The following VPS13B variants were observed in gnomAD, a reference collection of about 807,000 sequenced individuals.
VPS13B encodes intermembrane lipid transfer protein VPS13B.
A neutral mutation model predicts 426.4 loss-of-function variants in VPS13B; 285 were observed. The ratio of observed to expected loss-of-function variants is 0.67; its 90% CI spans 0.61 to 0.74. The LOEUF is 0.74. Ranked by LOEUF, VPS13B falls within the 30% of genes least tolerant of loss-of-function variation. The pLI, the probability that VPS13B is intolerant of heterozygous loss-of-function variation, is 0.00. For synonymous variants in VPS13B, 1,676 were observed against 1,676.4 expected (o/e 1.00, Z 0.01); for missense variants, 4,537 against 4,782.6 (o/e 0.95, Z 1.51).
chr8:99,271,677 C>T (rs943757070), intron 17 of VPS13B, among the ~76,000 whole-genome samples: 2 of 152,156 alleles, frequency 1.3e-5, no homozygotes, highest in Admixed American at 6.5e-5. Flanking sequence ...AGGAAACTTA[C>T]AATTATGGCA....
chr8:99,547,348 A>G (rs1187341198), intron 30 of VPS13B, among the ~76,000 whole-genome samples: 2 of 152,068 alleles, frequency 1.3e-5, no homozygotes, highest in Admixed American at 6.6e-5. Context: ...TTTACTCTCA[A>G]AATTACTGTC....
intron 8 of VPS13B, among the ~76,000 whole-genome samples, chr8:99,130,717 A>G (rs767413058): frequency 4.6e-5 from 7 of 152,114 alleles, no homozygotes; most frequent in African/African-American, 1.4e-4. Flanking sequence ...CTTTTTCTCT[A>G]TAATAATTGT....
At chr8:99,689,138 G>A (rs981024754) in intron 35 of VPS13B, among the ~76,000 whole-genome samples, 1 of 151,754 alleles carries the variant, frequency 6.6e-6, no homozygotes, top group Admixed American at 6.6e-5. Context: ...TTGGTGGGGC[G>A]GTTTCATCTT....
rs539321673 is a variant in VPS13B, at chr8:99,170,621, A to G, written c.2333+458A>G. Among the ~76,000 whole-genome samples, 7 of 152,044 alleles carry G rather than the reference A, an allele frequency of 4.6e-5. No individual in the cohort carries two copies. In the South Asian group the frequency reaches 1.2e-3, roughly 27 times the overall value. On this transcript the variant is annotated intron_variant, in intron 16 of 61. Coordinates refer to ENST00000357162, the MANE Select transcript of VPS13B (RefSeq NM_152564.5). ...ATGTATTTACATGTCTAGTAGCTAT[A>G]TTTTATAAGAAATTGATTGTAGCCC...
intron 5 of VPS13B, among the ~76,000 whole-genome samples, chr8:99,110,547 T>C (rs952327544): frequency 1.3e-5 from 2 of 152,096 alleles, no homozygotes; most frequent in East Asian, 3.8e-4. Flanking sequence ...CATGTGGCTG[T>C]TGAGCACTTG....
intron 61 of VPS13B, among the ~76,000 whole-genome samples, chr8:99,873,920 C>T (rs1817563858): frequency 6.6e-6 from 1 of 152,202 alleles, no homozygotes; most frequent in Admixed American, 6.5e-5. Context: ...ATTTTAAGAT[C>T]TATAAATGAC....
intron 52 of VPS13B, among the ~76,000 whole-genome samples, chr8:99,834,920 T>G (rs1815303694): frequency 6.6e-6 from 1 of 152,142 alleles, no homozygotes; most frequent in Admixed American, 6.5e-5. Context: ...AACACACATA[T>G]GCATGGGGGA....
chr8:99,083,936 T>C (rs1845625661), intron 3 of VPS13B, among the ~76,000 whole-genome samples: 1 of 151,302 alleles, frequency 6.6e-6, no homozygotes, highest in African/African-American at 2.4e-5. Context: ...ATTGTGTCTC[T>C]GCCAGACTTT....
At chr8:99,495,815 G>A (rs1820852789) in intron 25 of VPS13B, among the ~76,000 whole-genome samples, 1 of 151,904 alleles carries the variant, frequency 6.6e-6, no homozygotes, top group African/African-American at 2.4e-5. Flanking sequence ...GTTGTTTTTT[G>A]AATTTCTTAA....
chr8:99,697,589 T>A, intron 35 of VPS13B: 1 of 665,904 alleles, frequency 1.5e-6, no homozygotes. Flanking sequence ...GAAGGAACTC[T>A]CAAAGACTGG....
At chr8:99,054,252 A>T (rs1205084250) in intron 3 of VPS13B, among the ~76,000 whole-genome samples, 1 of 152,154 alleles carries the variant, frequency 6.6e-6, no homozygotes, top group Non-Finnish European at 1.5e-5. Flanking sequence ...GAATTTCCAT[A>T]CTGTTTTCTA....
chr8:99,446,236 C>CT (rs1180975058), intron 23 of VPS13B, among the ~76,000 whole-genome samples: 4 of 150,982 alleles, frequency 2.6e-5, no homozygotes, highest in Non-Finnish European at 4.4e-5. Flanking sequence ...GTTTCTTTGC[C>CT]TTTTTTTTTG....
At chr8:99,321,023 A>G (rs969965591) in intron 19 of VPS13B, among the ~76,000 whole-genome samples, 1 of 152,176 alleles carries the variant, frequency 6.6e-6, no homozygotes, top group Non-Finnish European at 1.5e-5. Flanking sequence ...CTTTTTAAAT[A>G]TTCAGTCACT....
chr8:99,768,725 A>T (rs2130630844), intron 40 of VPS13B, among the ~76,000 whole-genome samples: 1 of 152,300 alleles, frequency 6.6e-6, no homozygotes, highest in East Asian at 1.9e-4. Flanking sequence ...GAATTAGTGA[A>T]AATATATTAG....
At chr8:99,479,951 A>G (rs573196347) in intron 24 of VPS13B, among the ~76,000 whole-genome samples, 3 of 152,304 alleles carry the variant, frequency 2.0e-5, no homozygotes, top group Admixed American at 6.5e-5. Flanking sequence ...CGGTAGGTAT[A>G]TGCTCTTTTT....
intron 22 of VPS13B, among the ~76,000 whole-genome samples, chr8:99,436,500 C>T (rs1315245462): frequency 1.3e-5 from 2 of 151,962 alleles, no homozygotes; most frequent in East Asian, 1.9e-4. Flanking sequence ...TTTGAGTAAG[C>T]TTATTGAGTA....
intron 23 of VPS13B, among the ~76,000 whole-genome samples, chr8:99,448,130 T>TTTATTTAG (rs1429492776): frequency 8.2e-6 from 1 of 121,624 alleles, no homozygotes; most frequent in Non-Finnish European, 1.7e-5. Context: ...TTTTTATTTA[T>TTTATTTAG]TTATTTATTT....
At chr8:99,840,448 T>C (rs186241493) in intron 54 of VPS13B, among the ~76,000 whole-genome samples, 1 of 152,326 alleles carries the variant, frequency 6.6e-6, no homozygotes, top group East Asian at 1.9e-4. Context: ...CTGGTAGCTT[T>C]ATGTCATCCA....
rs758028194 is a variant in VPS13B, at chr8:99,859,374, C to G, written c.10938C>G (p.Val3646=). ...TGGTGAGAAGCATCGGGAACGGGGT[C>G]GCCGACTTCTTCAGGCTTCCGTATG... ...ASLVRSIGNG[V]ADFFRLPYEG... Residue 3646 remains valine (V), a synonymous_variant, in exon 57 of 62, where the codon GTC becomes GTG. Coordinates refer to ENST00000357162, the MANE Select transcript of VPS13B (RefSeq NM_152564.5). 1 of 1,613,912 alleles carries G rather than the reference C, an allele frequency of 6.2e-7. No individual in the cohort carries two copies. Among genetic ancestry groups the G allele is most frequent in the Non-Finnish European group, 8.5e-7 (1 of 1,180,022 alleles).
Sources: gnomAD v4.1 joint callset for allele counts (sites outside exome capture counted in the v4.1 genomes callset) on GRCh38, gnomAD v4.1.1 for gene constraint, MANE v1.5 for transcripts, NCBI Gene and HGNC (gene_info 2026-07-23, HGNC 2026-07-21) for gene names.